MTMR3: variants seen among roughly 807,000 people sequenced by gnomAD.
The protein encoded by MTMR3 is myotubularin related protein 3.
A neutral mutation model predicts 132.4 loss-of-function variants in MTMR3; 32 were observed. The ratio of observed to expected loss-of-function variants is 0.24; its 90% CI spans 0.18 to 0.32. MTMR3 has a LOEUF of 0.32. MTMR3 is among the 10% of genes least tolerant of loss of function. MTMR3 has a pLI of 1.00. For missense variants in MTMR3, 1,216 were observed against 1,489.6 expected, an observed-to-expected ratio of 0.82 and a Z score of 3.02; for synonymous variants, 556 against 550.3, an observed-to-expected ratio of 1.01 and a Z score of -0.14.
intron 2 of MTMR3, among the ~76,000 whole-genome samples, chr22:29,959,685 TAGTA>T (rs2066270912): frequency 6.6e-6 from 1 of 152,146 alleles, no homozygotes; most frequent in Non-Finnish European, 1.5e-5. Flanking sequence ...GCCAGAAACG[TAGTA>T]ACATATTACT....
At position 30,017,810 on chromosome 22, in the gene MTMR3, A is replaced by G; in HGVS notation, c.1675-117A>G. The G allele has an allele frequency of 2.3e-6, 3 of 1,286,622 alleles. No individual in the cohort carries two copies. The East Asian group carries it at 7.1e-5, about 31-fold the overall frequency. The allele number at this position is 1,286,622 out of a possible 1,614,324, so 79.7% of individuals were successfully genotyped here. On this transcript the variant is annotated intron_variant, in intron 15 of 19. Coordinates refer to ENST00000401950, the MANE Select transcript of MTMR3 (RefSeq NM_021090.4). ...ATCCATTGGTGCTGCTTCTTTGTGGAGATCCTGTCAGCCCTGTTGGGTATT... is the reference window on the plus strand; with the variant it reads ...ATCCATTGGTGCTGCTTCTTTGTGGGGATCCTGTCAGCCCTGTTGGGTATT...
intron 13 of MTMR3, 166 bp downstream of exon 13, chr22:30,012,729 A>C: frequency 1.5e-6 from 1 of 661,190 alleles, no homozygotes; most frequent in Non-Finnish European, 2.5e-6. Flanking sequence ...TTCCTCCCAC[A>C]GTTCTTGCAC....
At chr22:29,955,844 C>T (rs1249741040) in intron 1 of MTMR3, among the ~76,000 whole-genome samples, 2 of 152,130 alleles carry the variant, frequency 1.3e-5, no homozygotes, top group Non-Finnish European at 2.9e-5. Context: ...CTCCACCTCC[C>T]GGGTTTGAGT....
Position 29,988,512 on chromosome 22 carries a change from C to T in MTMR3, c.243C>T (p.Cys81=), listed in dbSNP as rs560023311. 3.1e-6 allele frequency: 5 copies of T among 1,612,270 alleles called. No individual in the cohort carries two copies. Among genetic ancestry groups the T allele is most frequent in the East Asian group, 4.5e-5 (2 of 44,786 alleles). Residue 81 remains cysteine, a synonymous_variant, in exon 6 of 20, where the codon TGC becomes TGT. Coordinates refer to ENST00000401950, the MANE Select transcript of MTMR3 (RefSeq NM_021090.4). ...TACAGCTTATAGAAAGTGTTGAATG[C>T]CGAGATATATTTCAGCTTCATTTGA... The part of the protein sequence containing the change: ...VPLQLIESVE[C]RDIFQLHLTC...
intron 7 of MTMR3, chr22:29,996,170 T>A (rs1196154566): frequency 6.6e-6 from 1 of 152,224 alleles, no homozygotes. Flanking sequence ...TTTGTTGTAT[T>A]GTGTTGTAAA....
At chr22:29,921,746 C>T (rs547351467) in intron 1 of MTMR3, among the ~76,000 whole-genome samples, 4 of 152,020 alleles carry the variant, frequency 2.6e-5, no homozygotes, top group Admixed American at 6.6e-5. Context: ...ATTTAACTAC[C>T]GTACATACCT....
rs2067113265 is a variant in MTMR3 at position 29,998,824 on chromosome 22, C to T, written c.524C>T (p.Ala175Val). 6.2e-7 allele frequency: 1 copy of T among 1,611,436 alleles called. No homozygotes were observed. ...AGGATGGGTTTTGATATGAACAACG[C>T]CTGGAGGATTTCCAACATCAATGAG... ...VERMGFDMNNAWRISNINEKY... is the reference protein window; with the variant it reads ...VERMGFDMNNVWRISNINEKY... Residue 175 changes from alanine to valine, a missense_variant, in exon 8 of 20, where the codon GCC becomes GTC. Physicochemically the swap from Ala to Val is moderately conservative, Grantham distance 64 (BLOSUM62 0). Coordinates refer to ENST00000401950, the MANE Select transcript of MTMR3 (RefSeq NM_021090.4).
In MTMR3 at chr22:30,020,256, C is replaced by A. The variant is rs983070381; in HGVS notation, c.2597C>A (p.Ser866Tyr). 9 of 1,614,122 alleles carry A rather than the reference C, an allele frequency of 5.6e-6. No individual in the cohort carries two copies. The African/African-American group carries it at 6.7e-5, about 12-fold the overall frequency. The part of the protein sequence containing the change: ...SVSGPQGHHR[S>Y]CLVNSGKDRL... ...AGTGGGCCCCAAGGTCATCATAGAT[C>A]TTGCCTTGTAAATAGTGGCAAGGAC... The change falls in exon 17 of 20, where the codon TCT becomes TAT. Residue 866 changes from serine to tyrosine, a missense_variant. Ser to Tyr is a moderately radical substitution (Grantham distance 144). Around this residue, in one of 7 missense-constraint regions of MTMR3, gnomAD observed 852 missense variants for 852.0 expected, o/e 1.00. Transcript: ENST00000401950.
In MTMR3 at chr22:29,932,469, T is replaced by C. The variant is rs1319821490; in HGVS notation, c.-137-24567T>C. Among the ~76,000 whole-genome samples, 6 of 152,334 alleles carry C rather than the reference T, an allele frequency of 3.9e-5. No individual in the cohort carries two copies. In the East Asian group the frequency reaches 1.2e-3, roughly 29 times the overall value. On this transcript the variant is annotated intron_variant, in intron 1 of 19. Coordinates refer to ENST00000401950, the MANE Select transcript of MTMR3 (RefSeq NM_021090.4). ...GTACTAAATTGGTATAACTAACTTA[T>C]TAGTAAAGTTATAATCAAAGATTGC...
At chr22:29,944,638 C>G (rs2065920343) in intron 1 of MTMR3, among the ~76,000 whole-genome samples, 1 of 152,064 alleles carries the variant, frequency 6.6e-6, no homozygotes, top group Admixed American at 6.5e-5. Context: ...TGTTCTTTTT[C>G]TTATTTCTGT....
chr22:30,018,180 A>C, intron 16 of MTMR3, 108 bp downstream of exon 16: 1 of 1,255,274 alleles, frequency 8.0e-7, no homozygotes, highest in Non-Finnish European at 1.1e-6. Context: ...GCTCCACAGT[A>C]TCTTTCTTAG....
chr22:29,896,401 C>T (rs771957800), intron 1 of MTMR3, among the ~76,000 whole-genome samples: 15 of 152,160 alleles, frequency 9.9e-5, no homozygotes, highest in South Asian at 2.1e-4. Context: ...TTGAGTTCTT[C>T]GGCAATTTCT....
chr22:29,988,734 A>T, intron 6 of MTMR3, 172 bp downstream of exon 6: 1 of 371,698 alleles, frequency 2.7e-6, no homozygotes, highest in Non-Finnish European at 4.7e-6. Context: ...ATACTTTGCT[A>T]TGTTGAAAGA....
intron 8 of MTMR3, chr22:30,001,356 A>G (rs1331433530): frequency 6.5e-6 from 1 of 152,692 alleles, no homozygotes; most frequent in African/African-American, 2.4e-5. Context: ...ATGCCACTGC[A>G]TTCCAGCCTG....
At chr22:29,933,525 C>T (rs952831728) in intron 1 of MTMR3, among the ~76,000 whole-genome samples, 14 of 152,052 alleles carry the variant, frequency 9.2e-5, no homozygotes, top group East Asian at 5.8e-4. Flanking sequence ...ATTTTACTAT[C>T]GGTCAAGTTA....
chr22:29,965,578 G>T (rs959600148), intron 2 of MTMR3, among the ~76,000 whole-genome samples: 2 of 152,164 alleles, frequency 1.3e-5, no homozygotes, highest in Admixed American at 6.5e-5. Flanking sequence ...CCAGCTACTT[G>T]AGAGGCTGAG....
intron 17 of MTMR3, chr22:30,021,178 C>A: frequency 2.3e-6 from 1 of 431,250 alleles, no homozygotes; most frequent in Non-Finnish European, 4.2e-6. Context: ...CATAAGTCTT[C>A]AGAAGGGCTT....
chr22:29,996,534 A>C lies in MTMR3; in HGVS notation c.461-2227A>C, dbSNP rs147715772. On this transcript the variant is annotated intron_variant, in intron 7 of 19. Transcript: ENST00000401950. ...TTAATGTAAAAGATCATTAATGTAC[A>C]GTTCAAGAAAAGCACAAAAAAAATA... 390 of 151,862 alleles carry C rather than the reference A, an allele frequency of 2.6e-3. 1 individual carries two copies. The highest frequency in any genetic ancestry group is 9.0e-3 in the African/African-American group (374 of 41,356). 9.4% of individuals were successfully genotyped at this position (151,862 alleles called of 1,614,324 possible).
At chr22:29,927,791 G>A (rs2065546595) in intron 1 of MTMR3, among the ~76,000 whole-genome samples, 1 of 152,086 alleles carries the variant, frequency 6.6e-6, no homozygotes, top group South Asian at 2.1e-4. Flanking sequence ...GTTTGCATCA[G>A]CACCTCCTGG....
Sources: allele counts gnomAD v4.1 joint callset (sites outside exome capture counted in the v4.1 genomes callset), GRCh38; gene constraint gnomAD v4.1.1; regional missense constraint gnomAD v4.1.1; transcripts MANE v1.5; gene names NCBI Gene and HGNC (gene_info 2026-07-23, HGNC 2026-07-21).